The following LARP1B variants were observed in gnomAD, a reference collection of about 807,000 sequenced individuals.
LARP1B encodes La ribonucleoprotein 1B.
A neutral mutation model predicts 114.2 loss-of-function variants in LARP1B; 76 were observed. That is an observed-to-expected ratio of 0.67 (90% CI 0.55 to 0.81). LARP1B has a LOEUF of 0.81. Among genes scored for constraint, LARP1B ranks in the 30% least tolerant of loss-of-function variants. The pLI, the probability that LARP1B is intolerant of heterozygous loss-of-function variation, is 0.00. For missense variants in LARP1B, 1,014 were observed against 1,075.8 expected, an observed-to-expected ratio of 0.94 and a Z score of 0.80; for synonymous variants, 345 against 348.0, an observed-to-expected ratio of 0.99 and a Z score of 0.10.
chr4:128,136,817 G>A (rs943874287), intron 11 of LARP1B, among the ~76,000 whole-genome samples: 2 of 152,082 alleles, frequency 1.3e-5, no homozygotes, highest in African/African-American at 4.8e-5. Context: ...TGCCTGGCTG[G>A]TCTTGAACTC....
chr4:128,123,458 C>A, intron 11 of LARP1B: 1 of 846,836 alleles, frequency 1.2e-6, no homozygotes. Context: ...AATTATCCTT[C>A]CCCCATTCTC....
intron 11 of LARP1B, among the ~76,000 whole-genome samples, chr4:128,153,338 A>G (rs1027651629): frequency 1.6e-5 from 2 of 127,670 alleles, no homozygotes; most frequent in Non-Finnish European, 3.3e-5. Flanking sequence ...TATTTATGAG[A>G]CAGACTCTCA....
chr4:128,195,632 A>G (rs977406831), intron 15 of LARP1B, among the ~76,000 whole-genome samples: 3 of 152,316 alleles, frequency 2.0e-5, no homozygotes, highest in East Asian at 1.9e-4. Flanking sequence ...CAGTCAATAA[A>G]TAACTACATG....
intron 11 of LARP1B, chr4:128,155,918 G>C: frequency 6.5e-7 from 1 of 1,543,612 alleles, no homozygotes; most frequent in Non-Finnish European, 8.9e-7. Context: ...ATCCCCGAAG[G>C]AGCCAAGGAG....
At chr4:128,074,848 C>A in intron 2 of LARP1B, 86 bp from the exon 3 acceptor site, 1 of 904,862 alleles carries the variant, frequency 1.1e-6, no homozygotes, top group Non-Finnish European at 1.7e-6. Context: ...TTATTTAAAA[C>A]TCCTTTCACT....
intron 16 of LARP1B, among the ~76,000 whole-genome samples, chr4:128,199,893 C>T (rs1343883450): frequency 6.6e-6 from 1 of 152,142 alleles, no homozygotes; most frequent in African/African-American, 2.4e-5. Flanking sequence ...TGAGACCAGC[C>T]TGGCCAACAT....
rs1343187050 is a variant in LARP1B, at chr4:128,114,654, G to C, written c.1073G>C (p.Arg358Thr). 1 of 1,613,968 alleles carries C rather than the reference G, an allele frequency of 6.2e-7. No homozygotes were observed. Among genetic ancestry groups the C allele is most frequent in the Non-Finnish European group, 8.5e-7 (1 of 1,179,848 alleles). The change falls in exon 10 of 20, where the codon AGA becomes ACA. Residue 358 changes from arginine (R) to threonine (T), a missense_variant. Coordinates refer to ENST00000326639, the MANE Select transcript of LARP1B (RefSeq NM_018078.4). ...SETSILQAMSRGLSTSLPDLD... is the reference protein window; with the variant it reads ...SETSILQAMSTGLSTSLPDLD... ...ACAAGTATTCTTCAAGCAATGTCTA[G>C]AGGTTTGTCTACCAGTTTGCCTGAC...
chr4:128,112,740 C>T (rs1001399401), intron 9 of LARP1B, among the ~76,000 whole-genome samples: 11 of 151,856 alleles, frequency 7.2e-5, no homozygotes, highest in Non-Finnish European at 1.5e-4. Context: ...CCCCAAAGTG[C>T]TGGGATTACA....
intron 1 of LARP1B, among the ~76,000 whole-genome samples, chr4:128,067,928 T>G (rs1051096912): frequency 8.5e-5 from 13 of 152,070 alleles, no homozygotes; most frequent in Non-Finnish European, 1.9e-4. Flanking sequence ...CCACCCAGGC[T>G]GGACTGCAGT....
At chr4:128,108,024 A>G (rs1055208778) in intron 9 of LARP1B, 5 of 1,513,192 alleles carry the variant, frequency 3.3e-6, no homozygotes, top group African/African-American at 1.4e-5. Context: ...CTTCTGTTCA[A>G]GAATGTCTAT....
chr4:128,178,871 T>C (rs1304158259), intron 14 of LARP1B, among the ~76,000 whole-genome samples: 2 of 152,162 alleles, frequency 1.3e-5, no homozygotes, highest in African/African-American at 4.8e-5. Flanking sequence ...GGCAGGTGGA[T>C]CGCTTGTGCC....
intron 16 of LARP1B, among the ~76,000 whole-genome samples, 196 bp downstream of exon 16, chr4:128,199,795 A>T (rs1292175719): frequency 2.0e-5 from 3 of 152,206 alleles, no homozygotes; most frequent in Non-Finnish European, 4.4e-5. Flanking sequence ...AATAAAAATT[A>T]ATATACTCGG....
At chr4:128,084,219 G>C (rs1772288278) in intron 5 of LARP1B, among the ~76,000 whole-genome samples, 1 of 152,182 alleles carries the variant, frequency 6.6e-6, no homozygotes, top group African/African-American at 2.4e-5. Flanking sequence ...TCCCAGACGG[G>C]GTGGCGGCCG....
chr4:128,130,940 A>G (rs756603657), intron 11 of LARP1B, among the ~76,000 whole-genome samples: 4 of 152,232 alleles, frequency 2.6e-5, no homozygotes, highest in Non-Finnish European at 5.9e-5. Context: ...AAAAGACTAC[A>G]TACTGTATGA....
chr4:128,200,190 A>C (rs1285418548), intron 16 of LARP1B, among the ~76,000 whole-genome samples: 1 of 152,236 alleles, frequency 6.6e-6, no homozygotes, highest in Admixed American at 6.5e-5. Context: ...CAGCTGTTTC[A>C]GCAGTCCTCA....
chr4:128,099,734 A>G (rs1420592065), intron 8 of LARP1B, among the ~76,000 whole-genome samples: 1 of 152,026 alleles, frequency 6.6e-6, no homozygotes, highest in African/African-American at 2.4e-5. Context: ...ACACACACAC[A>G]CATATATATT....
chr4:128,162,364 G>T (rs377499003), intron 12 of LARP1B, 47 bp downstream of exon 12: 4 of 1,485,096 alleles, frequency 2.7e-6, no homozygotes, highest in East Asian at 2.3e-5. Context: ...TATTAAAGCA[G>T]TTCTGAATTG....
At chr4:128,213,627 T>C (rs1194474433), downstream of LARP1B, among the ~76,000 whole-genome samples, 1 of 152,162 alleles carries the variant, frequency 6.6e-6, no homozygotes, top group Non-Finnish European at 1.5e-5. Context: ...TACCCAAAAT[T>C]TATGAAAGTC....
rs1389346223 is a variant in LARP1B at position 128,078,139 on chromosome 4, T to G, written c.217+177T>G. 3.9e-5 allele frequency among the ~76,000 whole-genome samples: 6 copies of G among 152,194 alleles called. No homozygotes were observed. In the East Asian group the frequency reaches 9.6e-4, roughly 24 times the overall value. On this transcript the variant is annotated intron_variant, in intron 4 of 19. Coordinates refer to ENST00000326639, the MANE Select transcript of LARP1B (RefSeq NM_018078.4). ...GTAACATTTCTGAACTATTAGACTT[T>G]CCTTTTTGTATGTAACTTGTATTCT...
Sources: gnomAD v4.1 joint callset for allele counts (sites outside exome capture counted in the v4.1 genomes callset) on GRCh38, gnomAD v4.1.1 for gene constraint, MANE v1.5 for transcripts, NCBI Gene and HGNC (gene_info 2026-07-23, HGNC 2026-07-21) for gene names.